The following KDM4C variants were observed in gnomAD, a reference collection of about 807,000 sequenced individuals.
KDM4C encodes the protein lysine-specific demethylase 4C.
A neutral mutation model predicts 129.3 loss-of-function variants in KDM4C; 81 were observed. The observed-to-expected ratio is 0.63, with a 90% confidence interval of 0.52 to 0.75. The LOEUF is 0.75. KDM4C is among the 30% of genes least tolerant of loss of function. The probability of loss-of-function intolerance (pLI) is 0.00; values close to 1 mark genes in which losing one functional copy is unlikely to be tolerated. For missense variants in KDM4C, 1,457 were observed against 1,304.0 expected (o/e 1.12, Z -1.81); for synonymous variants, 573 against 456.1 (o/e 1.26, Z -3.26).
At chr9:6,958,673 C>T (rs1432635238) in intron 8 of KDM4C, among the ~76,000 whole-genome samples, 1 of 139,380 alleles carries the variant, frequency 7.2e-6, no homozygotes, top group African/African-American at 2.7e-5. Context: ...ATACATTATG[C>T]CTTTCTTTAT....
At chr9:7,095,652 A>G (rs1836336514) in intron 17 of KDM4C, among the ~76,000 whole-genome samples, 1 of 152,174 alleles carries the variant, frequency 6.6e-6, no homozygotes, top group Non-Finnish European at 1.5e-5. Flanking sequence ...TATAGTTTCC[A>G]ACATTAATTC....
intron 6 of KDM4C, among the ~76,000 whole-genome samples, chr9:6,885,522 T>C (rs1385901774): frequency 1.3e-5 from 2 of 152,038 alleles, no homozygotes; most frequent in Non-Finnish European, 2.9e-5. Flanking sequence ...CTTTTTATTA[T>C]CCTAGCCTTC....
At chr9:6,995,141 AT>A (rs35711391) in intron 12 of KDM4C, among the ~76,000 whole-genome samples, 2,934 of 144,080 alleles carry the variant, frequency 0.02, 29 homozygotes, top group East Asian at 0.035. Context: ...TTTTCCTAGG[AT>A]TTTTTTTTTT....
At chr9:6,768,168 G>T (rs1382519127) in intron 1 of KDM4C, among the ~76,000 whole-genome samples, 1 of 151,936 alleles carries the variant, frequency 6.6e-6, no homozygotes, top group Admixed American at 6.6e-5. Flanking sequence ...CTTCAGTGTG[G>T]TTCCCTAATT....
intron 15 of KDM4C, among the ~76,000 whole-genome samples, chr9:7,034,437 A>G (rs1336826799): frequency 6.6e-6 from 1 of 152,206 alleles, no homozygotes; most frequent in Non-Finnish European, 1.5e-5. Context: ...GCATCCACAT[A>G]TGAGTGAGAA....
intron 3 of KDM4C, among the ~76,000 whole-genome samples, chr9:6,811,411 C>CA (rs1831124729): frequency 6.6e-6 from 1 of 152,142 alleles, no homozygotes; most frequent in African/African-American, 2.4e-5. Flanking sequence ...CTCGGCTTCC[C>CA]AAAGTGCTGG....
At chr9:6,801,315 T>C (rs984732349) in intron 2 of KDM4C, among the ~76,000 whole-genome samples, 2 of 143,510 alleles carry the variant, frequency 1.4e-5, no homozygotes, top group Non-Finnish European at 3.0e-5. Context: ...TGCAGTGGCG[T>C]GATCTTGGCT....
At chr9:6,725,614 A>T (rs2996062) in intron 1 of KDM4C, among the ~76,000 whole-genome samples, 1 of 151,358 alleles carries the variant, frequency 6.6e-6, no homozygotes, top group African/African-American at 2.4e-5. Context: ...CAGCCTCCCA[A>T]GTAGCTGGGA....
At chr9:6,887,511 C>G (rs1025265738) in intron 6 of KDM4C, among the ~76,000 whole-genome samples, 4 of 152,190 alleles carry the variant, frequency 2.6e-5, no homozygotes, top group South Asian at 4.1e-4. Context: ...ACTACTCTGT[C>G]TGCTGTATGC....
At chr9:7,171,642 T>G (rs1161821296) in intron 21 of KDM4C, among the ~76,000 whole-genome samples, 1 of 152,312 alleles carries the variant, frequency 6.6e-6, no homozygotes, top group Non-Finnish European at 1.5e-5. Flanking sequence ...ATACTGTTTC[T>G]TAATCACATG....
At position 6,958,052 on chromosome 9, in the gene KDM4C, A is replaced by G. The variant is rs529286561; in HGVS notation, c.922-22873A>G. 9.9e-5 allele frequency among the ~76,000 whole-genome samples: 15 copies of G among 151,364 alleles called. No homozygotes were observed. The South Asian group carries it at 2.9e-3, about 30-fold the overall frequency. On this transcript the variant is annotated intron_variant, in intron 8 of 21. Transcript: ENST00000381309. ...AATTGTAGACATATAAACATTAGTT[A>G]TAACAACTGAGGGTTTGCTTCAGCA...
intron 4 of KDM4C, among the ~76,000 whole-genome samples, chr9:6,824,889 A>G (rs961199726): frequency 2.0e-5 from 3 of 152,086 alleles, no homozygotes; most frequent in Admixed American, 2.0e-4. Context: ...CACACCCATA[A>G]TCCCAGCACT....
At chr9:7,077,701 T>G (rs1834083165) in intron 17 of KDM4C, among the ~76,000 whole-genome samples, 1 of 152,220 alleles carries the variant, frequency 6.6e-6, no homozygotes, top group African/African-American at 2.4e-5. Flanking sequence ...TCATCAATCC[T>G]GAGTCTCATC....
chr9:6,972,288 T>A (rs1292329991), intron 8 of KDM4C, among the ~76,000 whole-genome samples: 1 of 151,944 alleles, frequency 6.6e-6, no homozygotes, highest in African/African-American at 2.4e-5. Context: ...TATATAAATA[T>A]CTGTGTATGT....
chr9:7,068,853 C>T (rs1737750297), intron 17 of KDM4C, among the ~76,000 whole-genome samples: 3 of 151,972 alleles, frequency 2.0e-5, no homozygotes, highest in Admixed American at 6.6e-5. Context: ...TGCACCACCA[C>T]GCCCAGCTAG....
intron 1 of KDM4C, among the ~76,000 whole-genome samples, chr9:6,767,457 C>T (rs1001375727): frequency 4.8e-5 from 7 of 145,918 alleles, no homozygotes; most frequent in Admixed American, 1.4e-4. Context: ...TTTTTTGAGA[C>T]GGTGTCTTGA....
intron 4 of KDM4C, chr9:6,834,908 G>A (rs1225691281): frequency 6.2e-5 from 75 of 1,216,238 alleles, no homozygotes; most frequent in Middle Eastern, 5.7e-4. Flanking sequence ...CACTGGTACC[G>A]TGATGGACTC....
intron 8 of KDM4C, among the ~76,000 whole-genome samples, chr9:6,964,454 T>G (rs1269834585): frequency 1.3e-5 from 2 of 152,166 alleles, no homozygotes; most frequent in Non-Finnish European, 2.9e-5. Flanking sequence ...TATTCCATAG[T>G]GTATATGTGC....
chr9:6,793,014 C>T lies in KDM4C; in HGVS notation c.26C>T (p.Pro9Leu). 1.2e-6 allele frequency: 2 copies of T among 1,614,194 alleles called. No homozygotes were observed. Among genetic ancestry groups the T allele is most frequent in the Non-Finnish European group, 8.5e-7 (1 of 1,180,032 alleles). Residue 9 changes from proline to leucine, a missense_variant, in exon 2 of 22, where the codon CCT becomes CTT. Pro to Leu is a moderately conservative substitution (Grantham distance 98). Coordinates refer to ENST00000381309, the MANE Select transcript of KDM4C (RefSeq NM_015061.6). Reference sequence around the variant, plus strand: ...ATGGAGGTGGCCGAGGTGGAAAGTCCTCTGAACCCCAGCTGTAAGATAATG... The same window carrying T: ...ATGGAGGTGGCCGAGGTGGAAAGTCTTCTGAACCCCAGCTGTAAGATAATG... MEVAEVES[P>L]LNPSCKIMTF...
Sources: allele counts gnomAD v4.1 joint callset (sites outside exome capture counted in the v4.1 genomes callset), GRCh38; gene constraint gnomAD v4.1.1; transcripts MANE v1.5; gene names NCBI Gene and HGNC (gene_info 2026-07-23, HGNC 2026-07-21).